Variants in HERC1 observed in about 807,000 individuals in gnomAD.
HERC1 encodes the protein probable E3 ubiquitin-protein ligase HERC1.
HERC1 carries 160 observed loss-of-function variants against 554.3 expected under a neutral mutation model. The ratio of observed to expected loss-of-function variants is 0.29; its 90% CI spans 0.25 to 0.33. The LOEUF (loss-of-function observed/expected upper bound fraction) is 0.33, where lower values mean the gene tolerates loss of function less well. Ranked by LOEUF, HERC1 falls within the 10% of genes least tolerant of loss-of-function variation. HERC1 has a pLI of 1.00. For missense variants in HERC1, 4,919 were observed against 5,918.5 expected, an observed-to-expected ratio of 0.83 and a Z score of 5.54; for synonymous variants, 2,175 against 2,131.7, an observed-to-expected ratio of 1.02 and a Z score of -0.56.
rs370807057 is a variant in HERC1, at chr15:63,718,595, C to A, written c.3957G>T (p.Arg1319Ser). The change falls in exon 21 of 78, where the codon AGG becomes AGT. Residue 1319 changes from arginine (R) to serine (S), a missense_variant. Arg to Ser is a moderately radical substitution (Grantham distance 110). Around this residue, in one of 11 missense-constraint regions of HERC1, gnomAD observed 1,121 missense variants for 1,244.0 expected, o/e 0.90. Transcript: ENST00000443617. The surrounding 1 kb of genome is among the most constrained non-coding windows in gnomAD (Gnocchi z 4.2). ...ACKNLELIQT[R>S]SSSRDRWISE... is the part of the protein sequence containing the mutation. The stretch of plus-strand genomic sequence containing the variant: ...TTACCCATCTGTCCCGTGATGATGA[C>A]CTTGTTTGAATAAGTTCAAGGTTCT... The A allele has an allele frequency of 6.3e-7, 1 of 1,583,780 alleles. No individual in the cohort carries two copies. Among genetic ancestry groups the A allele is most frequent in the Admixed American group, 1.8e-5 (1 of 55,380 alleles).
At chr15:63,750,505 C>A (rs368009541) in intron 8 of HERC1, among the ~76,000 whole-genome samples, 1 of 151,982 alleles carries the variant, frequency 6.6e-6, no homozygotes, top group Non-Finnish European at 1.5e-5. Context: ...GATTTTTTTT[C>A]TTTATCTTCA....
chr15:63,722,917 T>C (rs1366752634), intron 19 of HERC1, among the ~76,000 whole-genome samples: 1 of 152,198 alleles, frequency 6.6e-6, no homozygotes, highest in Non-Finnish European at 1.5e-5. Context: ...GAGACTACTA[T>C]ACTTCAGTAA....
intron 47 of HERC1, among the ~76,000 whole-genome samples, chr15:63,659,528 C>G (rs532658180): frequency 1.3e-5 from 2 of 152,264 alleles, no homozygotes; most frequent in East Asian, 3.9e-4. Flanking sequence ...GCTGGGATTA[C>G]GAGCATAAGC....
chr15:63,768,728 G>C (rs2075859442), intron 2 of HERC1, among the ~76,000 whole-genome samples: 2 of 152,180 alleles, frequency 1.3e-5, no homozygotes, highest in African/African-American at 4.8e-5. Flanking sequence ...AAAGTTTTTA[G>C]TGATAAACTT....
intron 1 of HERC1, 74 bp downstream of exon 1, chr15:63,833,753 G>GCACACA (rs778263359): frequency 0.015 from 717 of 46,452 alleles, 11 homozygotes; most frequent in South Asian, 0.056. Context: ...ACGCGCGCGC[G>GCACACA]CACACACACA....
rs71456333 is a variant in HERC1, at chr15:63,826,784, T to TA, written c.-27+7042dup. On this transcript the variant is annotated intron_variant, in intron 1 of 77. Coordinates refer to ENST00000443617, the MANE Select transcript of HERC1 (RefSeq NM_003922.4). Reference sequence around the variant, plus strand: ...TATTCTTTTAATCACTTATCTCTGGTAAAAAAAAAAAAAAAAAAAAAAAAA... The same window carrying TA: ...TATTCTTTTAATCACTTATCTCTGGTAAAAAAAAAAAAAAAAAAAAAAAAAA... Among the ~76,000 whole-genome samples, 59 of 37,082 alleles carry TA rather than the reference T, an allele frequency of 1.6e-3. 2 individuals carry two copies. The highest frequency in any genetic ancestry group is 3.5e-3 in the African/African-American group (40 of 11,474). The allele number at this position is 37,082 out of a possible 152,430, so 24.3% of individuals were successfully genotyped here.
At chr15:63,743,263 CTTTT>C (rs71131177) in intron 12 of HERC1, among the ~76,000 whole-genome samples, 1 of 109,180 alleles carries the variant, frequency 9.2e-6, no homozygotes, top group African/African-American at 3.6e-5. Flanking sequence ...TTTTCTTTTT[CTTTT>C]TTTTTTTTTT....
chr15:63,772,254 T>C (rs144959967), intron 2 of HERC1, among the ~76,000 whole-genome samples: 2 of 152,272 alleles, frequency 1.3e-5, no homozygotes, highest in Non-Finnish European at 2.9e-5. Flanking sequence ...CCTCTTCCCA[T>C]TAAGGAGCAA....
At chr15:63,610,832 C>T (rs941554768) in intron 77 of HERC1, among the ~76,000 whole-genome samples, 1 of 152,184 alleles carries the variant, frequency 6.6e-6, no homozygotes, top group African/African-American at 2.4e-5. Flanking sequence ...CAGAGAACTG[C>T]CCAGCTCATG....
chr15:63,615,707 A>G (rs1595819358), intron 76 of HERC1, 61 bp downstream of exon 76: 1 of 1,407,102 alleles, frequency 7.1e-7, no homozygotes, highest in South Asian at 1.5e-5. Flanking sequence ...ATACCCAGTC[A>G]GCTCTCATTT....
intron 12 of HERC1, among the ~76,000 whole-genome samples, chr15:63,742,050 C>A (rs2074833155): frequency 6.6e-6 from 1 of 152,184 alleles, no homozygotes; most frequent in Non-Finnish European, 1.5e-5. Flanking sequence ...ATAGTGATTG[C>A]ACTCAATCTG....
At chr15:63,619,675 C>A (rs1444005679) in intron 74 of HERC1, among the ~76,000 whole-genome samples, 3 of 152,066 alleles carry the variant, frequency 2.0e-5, no homozygotes, top group African/African-American at 7.2e-5. Context: ...AATTTCAGAG[C>A]CTGTTTGGTC....
chr15:63,729,331 T>C lies in HERC1; in HGVS notation c.3059A>G (p.Gln1020Arg). Residue 1020 changes from glutamine (Q) to arginine (R), a missense_variant, in exon 16 of 78, where the codon CAG becomes CGG. By Grantham distance (43) the Gln-to-Arg change is conservative. Transcript: ENST00000443617. ...SSVALLHKHL[Q>R]LLLPHATDIY... is the part of the protein sequence containing the mutation. The stretch of plus-strand genomic sequence containing the variant: ...ATCTGTGGCATGAGGCAACAAAAGC[T>C]GAAGATGTTTATGAAGCAATGCCAC... 1 of 1,610,618 alleles carries C rather than the reference T, an allele frequency of 6.2e-7. No homozygotes were observed. The highest frequency in any genetic ancestry group is 8.5e-7 in the Non-Finnish European group (1 of 1,178,420).
At chr15:63,624,833 C>G (rs981520148) in intron 71 of HERC1, among the ~76,000 whole-genome samples, 4 of 152,006 alleles carry the variant, frequency 2.6e-5, no homozygotes, top group African/African-American at 9.7e-5. Context: ...TTTTAAAAAC[C>G]TTAGAAAATA....
chr15:63,652,644 G>A lies in HERC1; in HGVS notation c.10291-103C>T. ...TTAAAAATCTACCATGAAATTAAAAGAAAAGCATCCATTCCTTTCTTTTCT... is the reference window on the plus strand; with the variant it reads ...TTAAAAATCTACCATGAAATTAAAAAAAAAGCATCCATTCCTTTCTTTTCT... On this transcript the variant is annotated intron_variant, in intron 51 of 77. Coordinates refer to ENST00000443617, the MANE Select transcript of HERC1 (RefSeq NM_003922.4). The A allele has an allele frequency of 4.1e-6, 4 of 967,724 alleles. No homozygotes were observed. The South Asian group carries it at 6.6e-5, about 16-fold the overall frequency. The allele number at this position is 967,724 out of a possible 1,614,324, so 59.9% of individuals were successfully genotyped here.
chr15:63,699,709 T>C (rs1427583980), intron 25 of HERC1, among the ~76,000 whole-genome samples: 2 of 152,226 alleles, frequency 1.3e-5, no homozygotes, highest in African/African-American at 2.4e-5. Context: ...ATCAAAATAG[T>C]TGCTAAATAT....
intron 19 of HERC1, among the ~76,000 whole-genome samples, chr15:63,720,751 A>T (rs1177974882): frequency 6.6e-6 from 1 of 152,174 alleles, no homozygotes; most frequent in Non-Finnish European, 1.5e-5. Flanking sequence ...GAGAACTGCT[A>T]TGACTAAAAA....
intron 25 of HERC1, 142 bp downstream of exon 25, chr15:63,706,638 T>C (rs2153096974): frequency 2.2e-6 from 1 of 445,144 alleles, no homozygotes; most frequent in Non-Finnish European, 4.0e-6. Context: ...CTGAAATTTT[T>C]TGCAGTTACA....
At chr15:63,623,377 C>T (rs1373762574) in intron 73 of HERC1, among the ~76,000 whole-genome samples, 3 of 152,212 alleles carry the variant, frequency 2.0e-5, no homozygotes, top group Admixed American at 2.0e-4. Context: ...CTACTTTGTT[C>T]TAAAAGCACC....
Sources: gnomAD v4.1 joint callset for allele counts (sites outside exome capture counted in the v4.1 genomes callset) on GRCh38, gnomAD v4.1.1 for gene constraint, gnomAD v4.1.1 regional missense constraint, Gnocchi (gnomAD v3.1) non-coding constraint, MANE v1.5 for transcripts, NCBI Gene and HGNC (gene_info 2026-07-23, HGNC 2026-07-21) for gene names.